Variants in NCOR2 observed in about 807,000 individuals in gnomAD.
NCOR2 encodes the protein nuclear receptor corepressor 2.
NCOR2 carries 81 observed loss-of-function variants against 262.9 expected under a neutral mutation model. That is an observed-to-expected ratio of 0.31 (90% CI 0.26 to 0.37). The LOEUF is 0.37. Ranked by LOEUF, NCOR2 falls within the 10% of genes least tolerant of loss-of-function variation. The pLI is 1.00. For missense variants in NCOR2, 3,385 were observed against 3,621.4 expected, an observed-to-expected ratio of 0.93 and a Z score of 1.68; for synonymous variants, 1,659 against 1,559.3, an observed-to-expected ratio of 1.06 and a Z score of -1.51.
At chr12:124,363,207 C>T (rs371913367) in intron 21 of NCOR2, among the ~76,000 whole-genome samples, 117 of 152,320 alleles carry the variant, frequency 7.7e-4, no homozygotes, top group African/African-American at 2.6e-3. Context: ...TCTTTTAGCC[C>T]GGAGCCCCCA....
At chr12:124,349,833 T>C (rs921969734) in intron 28 of NCOR2, among the ~76,000 whole-genome samples, 1 of 152,014 alleles carries the variant, frequency 6.6e-6, no homozygotes, top group African/African-American at 2.4e-5. Context: ...GGGCACTCGG[T>C]CCAGGGGCAC....
exon 26 of NCOR2, chr12:124,354,525 G>A (rs200304507): frequency 8.9e-4 from 1,425 of 1,595,550 alleles, no homozygotes; most frequent in Non-Finnish European, 1.1e-3. Flanking sequence ...CAGGCTCTCC[G>A]GTGGCCCAGC....
chr12:124,377,843 AAAAAAAAAC>A (rs1320586199), intron 18 of NCOR2, among the ~76,000 whole-genome samples: 35 of 151,946 alleles, frequency 2.3e-4, no homozygotes, highest in African/African-American at 8.0e-4. Flanking sequence ...CGTCTGAAAA[AAAAAAAAAC>A]AAAAAAAAAC....
chr12:124,388,904 G>A (rs12818937), intron 16 of NCOR2: 4 of 987,382 alleles, frequency 4.1e-6, no homozygotes, highest in Non-Finnish European at 5.2e-6. Flanking sequence ...GAGCGAGGGA[G>A]GGAGGGACGC....
intron 22 of NCOR2, among the ~76,000 whole-genome samples, chr12:124,358,389 CGTGCAT>C: frequency 6.7e-6 from 1 of 148,224 alleles, no homozygotes; most frequent in African/African-American, 2.5e-5. Flanking sequence ...TGCACGTGCA[CGTGCAT>C]GTGTGTGCGA....
intron 1 of NCOR2, among the ~76,000 whole-genome samples, chr12:124,560,611 A>G (rs139037986): frequency 6.6e-6 from 1 of 152,318 alleles, no homozygotes; most frequent in African/African-American, 2.4e-5. Flanking sequence ...ACCTGAATAT[A>G]TGGCGTGATA....
chr12:124,463,439 T>C (rs772090615), intron 5 of NCOR2, among the ~76,000 whole-genome samples: 2 of 152,218 alleles, frequency 1.3e-5, no homozygotes, highest in East Asian at 3.9e-4. Context: ...GCCACCCTGA[T>C]GGCTGCCCTG....
At chr12:124,509,160 C>T (rs1156310299) in intron 1 of NCOR2, among the ~76,000 whole-genome samples, 1 of 151,856 alleles carries the variant, frequency 6.6e-6, no homozygotes, top group Non-Finnish European at 1.5e-5. Flanking sequence ...TGGGCAACCA[C>T]CCCCCCTGCA....
At chr12:124,468,816 C>T (rs1289577446) in intron 4 of NCOR2, among the ~76,000 whole-genome samples, 1 of 47,840 alleles carries the variant, frequency 2.1e-5, no homozygotes, top group African/African-American at 9.2e-5. Flanking sequence ...CTCATCACCC[C>T]CATCATCCTC....
Position 124,422,582 on chromosome 12 carries a change from G to C in NCOR2, c.1329-27C>G, listed in dbSNP as rs751878915. ...TGCGGGACGAGAAGGGTGGGCGTGA[G>C]ACCTGGCCGAGGGGGGCTTTCCTGC... On this transcript the variant is annotated intron_variant, in intron 11 of 46. Transcript: ENST00000405201. The C allele has an allele frequency of 6.8e-6, 11 of 1,613,178 alleles. No homozygotes were observed. The South Asian group carries it at 1.1e-4, about 16-fold the overall frequency.
At chr12:124,510,960 C>A (rs982739028) in intron 1 of NCOR2, among the ~76,000 whole-genome samples, 2 of 152,238 alleles carry the variant, frequency 1.3e-5, no homozygotes, top group Non-Finnish European at 2.9e-5. Flanking sequence ...CCTCTCCCCC[C>A]ACAGCCCCAA....
At chr12:124,344,296 A>T (rs1159252431) in intron 32 of NCOR2, among the ~76,000 whole-genome samples, 1 of 152,186 alleles carries the variant, frequency 6.6e-6, no homozygotes, top group Non-Finnish European at 1.5e-5. Flanking sequence ...AGGGAAGTGG[A>T]ATAATATGAT....
chr12:124,466,221 G>C (rs374534970), exon 5 of NCOR2: 2 of 1,610,550 alleles, frequency 1.2e-6, no homozygotes, highest in African/African-American at 1.3e-5. Flanking sequence ...GCTTCGACTC[G>C]ATGGGCGGCG....
chr12:124,463,153 C>T (rs961923731), intron 5 of NCOR2, among the ~76,000 whole-genome samples: 5 of 152,226 alleles, frequency 3.3e-5, no homozygotes, highest in South Asian at 2.1e-4. Context: ...ATCCACACAT[C>T]GCTAGCGCTG....
At chr12:124,346,634 C>T (rs766436926) in exon 31 of NCOR2, 19 of 1,594,752 alleles carry the variant, frequency 1.2e-5, no homozygotes, top group South Asian at 5.6e-5. Context: ...CAGCTCCTCG[C>T]GCGGGATCTC....
chr12:124,345,059 A>ACTTC, intron 31 of NCOR2, 108 bp from the exon 34 acceptor site: 3 of 998,106 alleles, frequency 3.0e-6, no homozygotes, highest in South Asian at 1.7e-5. Flanking sequence ...GATGGAAGTG[A>ACTTC]CATCTGATGC....
chr12:124,361,122 CAAAAAAAA>C (rs33951841), intron 22 of NCOR2, among the ~76,000 whole-genome samples: 22 of 122,512 alleles, frequency 1.8e-4, no homozygotes, highest in African/African-American at 6.6e-4. Flanking sequence ...CCGTCTCAAA[CAAAAAAAA>C]AAAAAAAAAA....
At chr12:124,553,019 C>T (rs989156375) in intron 1 of NCOR2, among the ~76,000 whole-genome samples, 2 of 152,192 alleles carry the variant, frequency 1.3e-5, no homozygotes, top group East Asian at 3.8e-4. Context: ...TTTTGGAGAT[C>T]CAAGGTCTGA....
chr12:124,328,930 G>A (rs2034931603), intron 44 of NCOR2: 5 of 316,046 alleles, frequency 1.6e-5, no homozygotes, highest in South Asian at 1.1e-4. Flanking sequence ...CCACATTTCT[G>A]CAGCACTTTT....
Sources: gnomAD v4.1 joint callset for allele counts (sites outside exome capture counted in the v4.1 genomes callset) on GRCh38, gnomAD v4.1.1 for gene constraint, MANE v1.5 for transcripts, NCBI Gene and HGNC (gene_info 2026-07-23, HGNC 2026-07-21) for gene names.